Variants in NTNG1 observed in about 807,000 individuals in gnomAD.
The protein encoded by NTNG1 is netrin G1.
NTNG1 carries 16 observed loss-of-function variants against 54.0 expected under a neutral mutation model. The ratio of observed to expected loss-of-function variants is 0.30; its 90% CI spans 0.20 to 0.45. The LOEUF (loss-of-function observed/expected upper bound fraction) is 0.45, where lower values mean the gene tolerates loss of function less well. Among genes scored for constraint, NTNG1 ranks in the 20% least tolerant of loss-of-function variants. The pLI is 1.00. For synonymous variants in NTNG1, 255 were observed against 263.1 expected (o/e 0.97, Z 0.30); for missense variants, 530 against 678.7 (o/e 0.78, Z 2.43).
chr1:107,194,566 T>C (rs1057381619), intron 2 of NTNG1, among the ~76,000 whole-genome samples: 11 of 151,982 alleles, frequency 7.2e-5, no homozygotes, highest in African/African-American at 2.7e-4. Flanking sequence ...CAAACTGACA[T>C]CTGTATCCAA....
intron 3 of NTNG1, among the ~76,000 whole-genome samples, chr1:107,357,702 AAT>A (rs561094835): frequency 1.7e-4 from 25 of 150,402 alleles, no homozygotes; most frequent in Non-Finnish European, 2.4e-4. Flanking sequence ...TAAAATTGTA[AAT>A]ATTTTTTTTT....
At chr1:107,446,264 G>C (rs1319288090) in intron 7 of NTNG1, among the ~76,000 whole-genome samples, 2 of 152,040 alleles carry the variant, frequency 1.3e-5, no homozygotes, top group African/African-American at 4.8e-5. Flanking sequence ...CAAGATCACA[G>C]ACATAATCAG....
At position 107,483,971 on chromosome 1, in the gene NTNG1, C is replaced by A. The variant is rs1678883217; in HGVS notation, c.*3131C>A. ...AAGAGGGGACCTTGCTTAGAGAGAC[C>A]CATTCTGACTCTCCTCCAGCTTTCT... On this transcript the variant is annotated 3_prime_UTR_variant, in exon 8 of 8. Transcript: ENST00000370068. 6.6e-6 allele frequency among the ~76,000 whole-genome samples: 1 copy of A among 152,074 alleles called. No homozygotes were observed. Among genetic ancestry groups the A allele is most frequent in the Non-Finnish European group, 1.5e-5 (1 of 68,014 alleles).
intron 2 of NTNG1, among the ~76,000 whole-genome samples, chr1:107,235,088 A>G (rs547303343): frequency 1.3e-5 from 2 of 152,188 alleles, no homozygotes; most frequent in Non-Finnish European, 2.9e-5. Flanking sequence ...TTGGGGTTTT[A>G]AAAGGTTAGG....
intron 2 of NTNG1, among the ~76,000 whole-genome samples, chr1:107,305,215 ATAG>A (rs1315003949): frequency 6.6e-6 from 1 of 152,140 alleles, no homozygotes; most frequent in African/African-American, 2.4e-5. Context: ...ATGTGTCTTT[ATAG>A]TAGAATGATT....
At position 107,463,215 on chromosome 1, in the gene NTNG1, A is replaced by G. The variant is rs115953338; in HGVS notation, c.1391-17396A>G. Among the ~76,000 whole-genome samples, 949 of 152,364 alleles carry G rather than the reference A, an allele frequency of 6.2e-3. 7 individuals carry two copies. The highest frequency in any genetic ancestry group is 0.022 in the African/African-American group (902 of 41,582). On this transcript the variant is annotated intron_variant, in intron 7 of 7. Coordinates refer to ENST00000370068, the MANE Select transcript of NTNG1 (RefSeq NM_001113226.3). The stretch of plus-strand genomic sequence containing the variant: ...TGTCATTAGGCAAGTACTCATCATC[A>G]ACATGAATTCGTTATGTGCTTCTTA...
intron 2 of NTNG1, among the ~76,000 whole-genome samples, chr1:107,222,411 GTCTTA>G: frequency 6.6e-6 from 1 of 152,150 alleles, no homozygotes; most frequent in African/African-American, 2.4e-5. Flanking sequence ...TAACATTCAT[GTCTTA>G]TCTGTACAAT....
chr1:107,247,738 T>TA (rs1662299143), intron 2 of NTNG1, among the ~76,000 whole-genome samples: 1 of 152,152 alleles, frequency 6.6e-6, no homozygotes, highest in Non-Finnish European at 1.5e-5. Context: ...AGTTATCTTA[T>TA]AAAAAACAAA....
intron 7 of NTNG1, among the ~76,000 whole-genome samples, chr1:107,444,091 G>A (rs1558004766): frequency 7.2e-6 from 1 of 139,138 alleles, no homozygotes; most frequent in Admixed American, 7.2e-5. Flanking sequence ...GGATCGTTTT[G>A]TCTGCTAGAT....
chr1:107,199,599 G>A (rs964228917), intron 2 of NTNG1, among the ~76,000 whole-genome samples: 2 of 151,814 alleles, frequency 1.3e-5, no homozygotes, highest in African/African-American at 4.8e-5. Context: ...TCTGAAAAGC[G>A]ATTTCACAGG....
At chr1:107,456,736 C>T (rs1329864616) in intron 7 of NTNG1, among the ~76,000 whole-genome samples, 1 of 152,166 alleles carries the variant, frequency 6.6e-6, no homozygotes, top group East Asian at 1.9e-4. Context: ...CCACAAAGAC[C>T]TTTGTCTGGC....
chr1:107,478,800 T>C (rs1174142496), intron 7 of NTNG1, among the ~76,000 whole-genome samples: 3 of 152,198 alleles, frequency 2.0e-5, no homozygotes, highest in Admixed American at 6.5e-5. Flanking sequence ...CAAAATAAAA[T>C]CCTGAAAACC....
rs573922039 is a variant in NTNG1, at chr1:107,288,945, T to C, written c.247-35337T>C. Among the ~76,000 whole-genome samples, 62 of 152,290 alleles carry C rather than the reference T, an allele frequency of 4.1e-4. 1 individual carries two copies. The highest frequency in any genetic ancestry group is 1.4e-3 in the East Asian group (7 of 5,180). On this transcript the variant is annotated intron_variant, in intron 2 of 7. Coordinates refer to ENST00000370068, the MANE Select transcript of NTNG1 (RefSeq NM_001113226.3). ...AGATAAGTTTTTTATACACACAAAGTATACACACAAGAAACCTCGCCTTAA... is the reference window on the plus strand; with the variant it reads ...AGATAAGTTTTTTATACACACAAAGCATACACACAAGAAACCTCGCCTTAA...
chr1:107,294,969 A>G (rs12404866), intron 2 of NTNG1, among the ~76,000 whole-genome samples: 26,542 of 152,208 alleles, frequency 0.17, 2,573 homozygotes, highest in Admixed American at 0.26. Context: ...CAGTAAGTGA[A>G]ATCTGCAACA....
chr1:107,384,226 C>A (rs1421945127), intron 3 of NTNG1, among the ~76,000 whole-genome samples: 1 of 152,142 alleles, frequency 6.6e-6, no homozygotes, highest in Non-Finnish European at 1.5e-5. Context: ...TAGAATAGGG[C>A]AACTTTTACT....
chr1:107,357,001 T>G (rs887280246), intron 3 of NTNG1, among the ~76,000 whole-genome samples: 7 of 152,220 alleles, frequency 4.6e-5, no homozygotes, highest in African/African-American at 1.7e-4. Context: ...AGACTCTGTC[T>G]CAAAAATAAA....
chr1:107,478,813 C>T (rs1678503651), intron 7 of NTNG1, among the ~76,000 whole-genome samples: 1 of 152,236 alleles, frequency 6.6e-6, no homozygotes, highest in Admixed American at 6.5e-5. Context: ...TGAAAACCTA[C>T]ATATGCTTTC....
chr1:107,197,394 T>G (rs1658423027), intron 2 of NTNG1, among the ~76,000 whole-genome samples: 1 of 152,046 alleles, frequency 6.6e-6, no homozygotes, highest in South Asian at 2.1e-4. Flanking sequence ...GGAATTTTGT[T>G]CTTTAGAAAC....
intron 2 of NTNG1, among the ~76,000 whole-genome samples, chr1:107,315,356 A>G (rs1667276564): frequency 6.6e-6 from 1 of 152,078 alleles, no homozygotes; most frequent in Non-Finnish European, 1.5e-5. Flanking sequence ...CTTAGGATCC[A>G]CTATCCACAC....
Sources: gnomAD v4.1 joint callset for allele counts (sites outside exome capture counted in the v4.1 genomes callset) on GRCh38, gnomAD v4.1.1 for gene constraint, MANE v1.5 for transcripts, NCBI Gene and HGNC (gene_info 2026-07-23, HGNC 2026-07-21) for gene names.